MCPH1: variants seen among roughly 807,000 people sequenced by gnomAD.
The protein encoded by MCPH1 is microcephalin.
MCPH1 carries 104 observed loss-of-function variants against 84.5 expected under a neutral mutation model. The observed-to-expected ratio is 1.23, with a 90% CI of 1.05 to 1.45. The LOEUF is 1.45. Ranked by LOEUF, MCPH1 falls within the 40% of genes most tolerant of loss-of-function variation. MCPH1 has a pLI of 0.00. For synonymous variants in MCPH1, 514 were observed against 366.8 expected (o/e 1.40, Z -4.58); for missense variants, 1,498 against 1,005.7 (o/e 1.49, Z -6.62).
At chr8:6,542,291 G>GGTGT (rs59101845) in intron 12 of MCPH1, among the ~76,000 whole-genome samples, 3 of 150,046 alleles carry the variant, frequency 2.0e-5, no homozygotes, top group South Asian at 2.1e-4. Flanking sequence ...GTGAGGTAGG[G>GGTGT]GTGTGTGTGT....
At chr8:6,445,843 G>A in intron 8 of MCPH1, 1 of 1,116,252 alleles carries the variant, frequency 9.0e-7, no homozygotes, top group Non-Finnish European at 1.1e-6. Context: ...TGAGGGGAGT[G>A]AAGTCTTTTT....
At chr8:6,502,535 A>G (rs1017067161) in intron 12 of MCPH1, 1 of 152,246 alleles carries the variant, frequency 6.6e-6, no homozygotes, top group African/African-American at 2.4e-5. Context: ...CACCTAAGAG[A>G]TGGAGTAAAA....
chr8:6,449,504 A>T (rs1268370971), intron 8 of MCPH1, among the ~76,000 whole-genome samples: 2 of 152,128 alleles, frequency 1.3e-5, no homozygotes, highest in East Asian at 3.9e-4. Flanking sequence ...GTGGTGGCAC[A>T]TGCCTATAAT....
At chr8:6,514,243 G>A (rs1339625793) in intron 12 of MCPH1, among the ~76,000 whole-genome samples, 2 of 152,168 alleles carry the variant, frequency 1.3e-5, no homozygotes. Flanking sequence ...AGGCTGGAGT[G>A]CAGTGGTGTG....
intron 12 of MCPH1, chr8:6,503,204 C>G: frequency 6.2e-7 from 1 of 1,614,150 alleles, no homozygotes; most frequent in Non-Finnish European, 8.5e-7. Flanking sequence ...TGTGTTCTGC[C>G]TCTGTGGATA....
chr8:6,621,975 C>T (rs914165634), intron 13 of MCPH1: 4 of 452,570 alleles, frequency 8.8e-6, no homozygotes, highest in African/African-American at 6.0e-5. Flanking sequence ...AAAGCCACCC[C>T]GGGCCACCCC....
At chr8:6,485,792 A>C (rs1415226114) in intron 11 of MCPH1, among the ~76,000 whole-genome samples, 1 of 152,176 alleles carries the variant, frequency 6.6e-6, no homozygotes, top group Non-Finnish European at 1.5e-5. Context: ...TATCACACAT[A>C]TATAAATGAC....
chr8:6,637,853 A>G (rs1440848508), intron 13 of MCPH1, among the ~76,000 whole-genome samples: 2 of 152,134 alleles, frequency 1.3e-5, no homozygotes, highest in Non-Finnish European at 2.9e-5. Flanking sequence ...CCAGGGACGT[A>G]TCGATGGAGG....
intron 13 of MCPH1, among the ~76,000 whole-genome samples, chr8:6,622,616 T>C (rs1480008869): frequency 6.6e-6 from 1 of 152,168 alleles, no homozygotes; most frequent in Non-Finnish European, 1.5e-5. Flanking sequence ...ACGCATTGTC[T>C]CTCAGTTCTG....
intron 13 of MCPH1, among the ~76,000 whole-genome samples, chr8:6,642,030 T>C (rs1054654856): frequency 6.6e-6 from 1 of 152,170 alleles, no homozygotes; most frequent in African/African-American, 2.4e-5. Flanking sequence ...GATAAGTCAT[T>C]TTTTTCTTCC....
intron 12 of MCPH1, among the ~76,000 whole-genome samples, chr8:6,574,853 G>A (rs1826940778): frequency 6.6e-6 from 1 of 152,174 alleles, no homozygotes. Context: ...AACAGGGCAG[G>A]CAATATCCAG....
At chr8:6,594,155 G>T (rs1828736577) in intron 12 of MCPH1, among the ~76,000 whole-genome samples, 1 of 152,228 alleles carries the variant, frequency 6.6e-6, no homozygotes, top group Non-Finnish European at 1.5e-5. Flanking sequence ...GCAGGGCCTA[G>T]CCTGGCCTCC....
In MCPH1 at chr8:6,444,338, A is replaced by C. The variant is rs142720060; in HGVS notation, c.671-55A>C. ...GTTTTATTGGTCAACTGAAAGTTGA[A>C]TATAGAATAATTTAAACCACTTTTA... On this transcript the variant is annotated intron_variant, in intron 7 of 13. Coordinates refer to ENST00000344683, the MANE Select transcript of MCPH1 (RefSeq NM_024596.5). The C allele has an allele frequency of 3.7e-6, 6 of 1,605,632 alleles. No homozygotes were observed. In the African/African-American group the frequency reaches 8.0e-5, roughly 21 times the overall value.
chr8:6,437,595 C>A (rs1802852738), intron 5 of MCPH1, among the ~76,000 whole-genome samples: 2 of 152,210 alleles, frequency 1.3e-5, no homozygotes, highest in African/African-American at 4.8e-5. Flanking sequence ...CCACATAGTG[C>A]TGCCACATAA....
At chr8:6,626,760 T>C in intron 13 of MCPH1, 7 of 985,268 alleles carry the variant, frequency 7.1e-6, no homozygotes, top group Non-Finnish European at 8.4e-6. Flanking sequence ...TGGGTGGAGC[T>C]CTGAGCCCTG....
In MCPH1 at chr8:6,505,260, T is replaced by C. The variant is rs1323679446; in HGVS notation, c.2214+5331T>C. ...ATAGAATATATATTCTTTATATATG[T>C]TTTATATATATGTATACATATATAT... On this transcript the variant is annotated intron_variant, in intron 12 of 13. Transcript: ENST00000344683. 1.2e-3 allele frequency among the ~76,000 whole-genome samples: 28 copies of C among 23,846 alleles called. 1 individual carries two copies. The highest frequency in any genetic ancestry group is 6.0e-3 in the East Asian group (2 of 334). 15.6% of individuals were successfully genotyped at this position (23,846 alleles called of 152,430 possible).
chr8:6,474,384 C>G, intron 9 of MCPH1: 1 of 323,034 alleles, frequency 3.1e-6, no homozygotes, highest in Non-Finnish European at 5.8e-6. Flanking sequence ...TAGGACTGAA[C>G]TCAGGGAGTC....
At chr8:6,487,139 T>C (rs940309377) in intron 11 of MCPH1, among the ~76,000 whole-genome samples, 3 of 152,246 alleles carry the variant, frequency 2.0e-5, no homozygotes, top group African/African-American at 7.2e-5. Context: ...GATTTAAAGC[T>C]AATTCACTTA....
intron 12 of MCPH1, among the ~76,000 whole-genome samples, chr8:6,597,549 A>T (rs988762886): frequency 6.6e-6 from 1 of 152,152 alleles, no homozygotes; most frequent in Non-Finnish European, 1.5e-5. Context: ...CCCAGCCCAG[A>T]ACATTCACCA....
Sources: gnomAD v4.1 joint callset for allele counts (sites outside exome capture counted in the v4.1 genomes callset) on GRCh38, gnomAD v4.1.1 for gene constraint, MANE v1.5 for transcripts, NCBI Gene and HGNC (gene_info 2026-07-23, HGNC 2026-07-21) for gene names.